WDR64: variants seen among roughly 807,000 people sequenced by gnomAD.
WDR64 encodes the protein WD repeat domain 64, also known as WD repeat-containing protein 64.
WDR64 carries 112 observed loss-of-function variants against 139.3 expected under a neutral mutation model. That is an observed-to-expected ratio of 0.80 (90% CI 0.69 to 0.94). The LOEUF is 0.94. Among genes scored for constraint, WDR64 ranks in the 40% least tolerant of loss-of-function variants. WDR64 has a pLI of 0.00. For synonymous variants in WDR64, 444 were observed against 437.7 expected (o/e 1.01, Z -0.18); for missense variants, 1,206 against 1,293.1 (o/e 0.93, Z 1.03).
At chr1:241,710,739 C>T (rs758816755) in intron 8 of WDR64, among the ~76,000 whole-genome samples, 1 of 151,984 alleles carries the variant, frequency 6.6e-6, no homozygotes, top group Non-Finnish European at 1.5e-5. Context: ...AGCACAGGGG[C>T]AAGAGGAGGG....
At position 241,715,218 on chromosome 1, in the gene WDR64, GTC is replaced by G. The variant is rs149956549; in HGVS notation, c.1054+3342_1054+3343del. ...GATTCTAAGAAAAACAGGAATCCAAGTCTCTCAACCAAACTAATTACAGTTAT... is the reference window on the plus strand; with the variant it reads ...GATTCTAAGAAAAACAGGAATCCAAGTCTCAACCAAACTAATTACAGTTAT... On this transcript the variant is annotated intron_variant, in intron 9 of 27. Coordinates refer to ENST00000437684, the MANE Select transcript of WDR64 (RefSeq NM_001367482.1). Among the ~76,000 whole-genome samples the G allele has an allele frequency of 6.0e-3, 909 of 152,278 alleles. 4 individuals carry two copies. The highest frequency in any genetic ancestry group is 0.021 in the African/African-American group (857 of 41,550).
rs1365995649 is a variant in WDR64, at chr1:241,679,594, A to C, written c.623A>C (p.Gln208Pro). 6.4e-7 allele frequency: 1 copy of C among 1,551,368 alleles called. No homozygotes were observed. The highest frequency in any genetic ancestry group is 1.2e-5 in the South Asian group (1 of 84,058). The change falls in exon 6 of 28, where the codon CAG (glutamine) becomes CCG (proline). Residue 208 changes from glutamine (Q) to proline (P), a missense_variant and splice_region_variant. Transcript: ENST00000437684. ...GATTATAAAGCTCAAGGGAGCAGCC[A>C]GGTATTGTGCCAAGAGAAATACTCA... ...VWDYKAQGSS[Q>P]ENYFVIKPMD...
In WDR64 at chr1:241,652,506, C is replaced by T. The variant is rs193223454; in HGVS notation, c.22C>T (p.Arg8Cys). Residue 8 changes from arginine to cysteine, a missense_variant, in exon 1 of 28, where the codon CGT becomes TGT. Arg to Cys is a radical substitution (Grantham distance 180, BLOSUM62 -3). Coordinates refer to ENST00000437684, the MANE Select transcript of WDR64 (RefSeq NM_001367482.1). ...CCCTATGGATATCAGGAAGGAAAAG[C>T]GTCTCAACATGGCACTTCAGATGAG... MDIRKEK[R>C]LNMALQMSNF... The T allele has an allele frequency of 1.4e-5, 22 of 1,552,068 alleles. No homozygotes were observed. Among genetic ancestry groups the T allele is most frequent in the Admixed American group, 7.8e-5 (4 of 50,982 alleles).
intron 9 of WDR64, among the ~76,000 whole-genome samples, chr1:241,713,435 GGGAAGGAAAGAAAGGAAGGAAAGGAA>G (rs1441294270): frequency 9.5e-5 from 13 of 137,178 alleles, no homozygotes; most frequent in Admixed American, 2.3e-4. Flanking sequence ...AAGGAAGGAA[GGGAAGGAAAGAAAGGAAGGAAAGGAA>G]GGAAGGAAAG....
intron 8 of WDR64, among the ~76,000 whole-genome samples, chr1:241,709,572 C>A (rs1274067341): frequency 6.6e-6 from 1 of 152,046 alleles, no homozygotes; most frequent in African/African-American, 2.4e-5. Context: ...TATGGTCATG[C>A]CATTGCACTC....
At chr1:241,781,862 A>G (rs545800028) in intron 22 of WDR64, among the ~76,000 whole-genome samples, 1 of 152,380 alleles carries the variant, frequency 6.6e-6, no homozygotes, top group African/African-American at 2.4e-5. Flanking sequence ...ATGTGCAAGT[A>G]TATGTATATG....
At position 241,757,335 on chromosome 1, in the gene WDR64, T is replaced by A. The variant is rs1670234981; in HGVS notation, c.1823T>A (p.Val608Glu). 1 of 1,614,122 alleles carries A rather than the reference T, an allele frequency of 6.2e-7. No homozygotes were observed. Among genetic ancestry groups the A allele is most frequent in the East Asian group, 2.2e-5 (1 of 44,870 alleles). ...LMVIWELPDV[V>E]PFLQDGKHAV... ...GTGATCTGGGAGCTGCCTGATGTTG[T>A]GCCTTTCCTACAAGATGGGAAACAT... Residue 608 changes from valine (V) to glutamate (E), a missense_variant, in exon 15 of 28, where the codon GTG (valine) becomes GAG (glutamate). By Grantham distance (121) the Val-to-Glu change is moderately radical (BLOSUM62 -2). Coordinates refer to ENST00000437684, the MANE Select transcript of WDR64 (RefSeq NM_001367482.1).
Position 241,757,476 on chromosome 1 carries a change from G to A in WDR64, c.1947+17G>A. ...CCTACTGATGTAAGTTTCCTCTCTT[G>A]GTTTCTTTTTAACTTTTGCTTTTTG... On this transcript the variant is annotated intron_variant, in intron 15 of 27. Transcript: ENST00000437684. 6.3e-7 allele frequency: 1 copy of A among 1,582,466 alleles called. No homozygotes were observed. Among genetic ancestry groups the A allele is most frequent in the Non-Finnish European group, 8.6e-7 (1 of 1,165,636 alleles).
At chr1:241,679,683 T>A in intron 6 of WDR64, 88 bp downstream of exon 6, 1 of 1,048,052 alleles carries the variant, frequency 9.5e-7, no homozygotes, top group Non-Finnish European at 1.4e-6. Flanking sequence ...CTATTGAACA[T>A]CAGTTTCTTC....
intron 14 of WDR64, 21 bp from the exon 15 acceptor site, chr1:241,757,262 C>A (rs1256293157): frequency 9.4e-6 from 15 of 1,601,134 alleles, no homozygotes; most frequent in Admixed American, 1.7e-5. Context: ...TTTTCATGCA[C>A]TCACTGGATT....
Position 241,762,104 on chromosome 1 carries a change from T to C in WDR64, c.1948-4114T>C, listed in dbSNP as rs925763549. 2.0e-5 allele frequency among the ~76,000 whole-genome samples: 3 copies of C among 152,238 alleles called. No homozygotes were observed. In the South Asian group the frequency reaches 6.2e-4, roughly 31 times the overall value. On this transcript the variant is annotated intron_variant, in intron 15 of 27. Transcript: ENST00000437684. Reference sequence around the variant, plus strand: ...TTACTTTGAGCAACCAGATTTATCATAGGAACCACTATCTATGGCAGCTAT... The same window carrying C: ...TTACTTTGAGCAACCAGATTTATCACAGGAACCACTATCTATGGCAGCTAT...
chr1:241,702,560 G>A (rs956059549), intron 8 of WDR64, among the ~76,000 whole-genome samples: 5 of 151,624 alleles, frequency 3.3e-5, no homozygotes, highest in African/African-American at 1.2e-4. Context: ...CAAAGGAGAA[G>A]AGATGAAACT....
intron 1 of WDR64, among the ~76,000 whole-genome samples, chr1:241,658,512 G>A (rs1665697452): frequency 6.6e-6 from 1 of 151,756 alleles, no homozygotes; most frequent in Non-Finnish European, 1.5e-5. Flanking sequence ...GGTGGTGGGT[G>A]CCTGTAGTCC....
intron 1 of WDR64, 116 bp downstream of exon 1, chr1:241,652,745 G>A: frequency 8.0e-7 from 1 of 1,246,688 alleles, no homozygotes; most frequent in Non-Finnish European, 1.1e-6. Context: ...GTGCTGAAAG[G>A]GGATGAAGAC....
At chr1:241,671,521 T>C (rs912477749) in intron 3 of WDR64, among the ~76,000 whole-genome samples, 4 of 152,222 alleles carry the variant, frequency 2.6e-5, no homozygotes, top group Non-Finnish European at 4.4e-5. Context: ...TTTAAACTAT[T>C]CTTAAAATTA....
chr1:241,674,261 C>CTT (rs553930996), intron 3 of WDR64, among the ~76,000 whole-genome samples: 1,438 of 133,538 alleles, frequency 0.011, 69 homozygotes, highest in South Asian at 0.068. Flanking sequence ...TTTTTCTTTT[C>CTT]TTTTTTTTTT....
At chr1:241,798,415 T>G (rs1434549322) in intron 27 of WDR64, among the ~76,000 whole-genome samples, 2 of 152,144 alleles carry the variant, frequency 1.3e-5, no homozygotes, top group African/African-American at 4.8e-5. Flanking sequence ...CTTAGTAAGA[T>G]GACAAAATCT....
At chr1:241,786,561 C>T (rs910266926) in intron 23 of WDR64, among the ~76,000 whole-genome samples, 1 of 152,200 alleles carries the variant, frequency 6.6e-6, no homozygotes, top group African/African-American at 2.4e-5. Flanking sequence ...TTGCCATCCT[C>T]TTTCAGAACT....
At chr1:241,661,142 T>C (rs1665816847) in intron 2 of WDR64, among the ~76,000 whole-genome samples, 2 of 151,748 alleles carry the variant, frequency 1.3e-5, no homozygotes. Flanking sequence ...TTAAATAATT[T>C]TTATAAATTA....
Sources: allele counts gnomAD v4.1 joint callset (sites outside exome capture counted in the v4.1 genomes callset), GRCh38; gene constraint gnomAD v4.1.1; transcripts MANE v1.5; gene names NCBI Gene and HGNC (gene_info 2026-07-23, HGNC 2026-07-21).